FAM81A: variants seen among roughly 807,000 people sequenced by gnomAD.
The protein encoded by FAM81A is protein FAM81A.
In FAM81A, 19 loss-of-function variants were observed where a neutral mutation model predicts 46.7. That is an observed-to-expected ratio of 0.41 (90% CI 0.28 to 0.60). FAM81A has a LOEUF of 0.60. Ranked by LOEUF, FAM81A falls within the 20% of genes least tolerant of loss-of-function variation. The pLI, the probability that FAM81A is intolerant of heterozygous loss-of-function variation, is 0.34. For missense variants in FAM81A, 377 were observed against 453.5 expected (o/e 0.83, Z 1.53); for synonymous variants, 183 against 152.9 (o/e 1.20, Z -1.45).
chr15:59,499,412 A>T (rs574496563), intron 4 of FAM81A, among the ~76,000 whole-genome samples: 1 of 152,322 alleles, frequency 6.6e-6, no homozygotes, highest in East Asian at 1.9e-4. Context: ...ATTATTTTAA[A>T]CAATTGCTTT....
intron 2 of FAM81A, among the ~76,000 whole-genome samples, chr15:59,424,961 A>T (rs1160264213): frequency 6.6e-6 from 1 of 152,192 alleles, no homozygotes; most frequent in Non-Finnish European, 1.5e-5. Flanking sequence ...CTTATATCAA[A>T]TACAACCAAA....
intron 4 of FAM81A, among the ~76,000 whole-genome samples, chr15:59,499,331 A>G (rs1003104215): frequency 2.0e-5 from 3 of 152,156 alleles, no homozygotes; most frequent in Admixed American, 2.0e-4. Context: ...CCTTTGTGCT[A>G]TTATCAAATA....
At chr15:59,498,195 T>A (rs1164834204) in intron 4 of FAM81A, among the ~76,000 whole-genome samples, 2 of 152,268 alleles carry the variant, frequency 1.3e-5, no homozygotes, top group African/African-American at 4.8e-5. Context: ...TCTTTCCATT[T>A]ATTTTGGTCA....
chr15:59,460,503 C>T lies in FAM81A; in HGVS notation c.294+297C>T, dbSNP rs1248512529. Reference sequence around the variant, plus strand: ...TTAATGAAGAGAGAGAAGAACTAGTCGAATAGTTTCACTCTATAATCTTTC... The same window carrying T: ...TTAATGAAGAGAGAGAAGAACTAGTTGAATAGTTTCACTCTATAATCTTTC... On this transcript the variant is annotated intron_variant, in intron 3 of 8. Coordinates refer to ENST00000288228, the MANE Select transcript of FAM81A (RefSeq NM_152450.3). This position sits in a 1 kb window ranked among gnomAD's most constrained non-coding sequence, Gnocchi z 4.4. 11 of 451,298 alleles carry T rather than the reference C, an allele frequency of 2.4e-5. No homozygotes were observed. In the East Asian group the frequency reaches 2.8e-4, roughly 12 times the overall value. 28.0% of individuals were successfully genotyped at this position (451,298 alleles called of 1,614,324 possible).
chr15:59,426,788 TC>T (rs1282068713), intron 2 of FAM81A, among the ~76,000 whole-genome samples: 1 of 152,030 alleles, frequency 6.6e-6, no homozygotes, highest in Non-Finnish European at 1.5e-5. Context: ...CACATACACT[TC>T]CCCCCTAAGC....
chr15:59,450,674 A>G (rs2081408381), intron 1 of FAM81A, among the ~76,000 whole-genome samples: 1 of 152,228 alleles, frequency 6.6e-6, no homozygotes, highest in Non-Finnish European at 1.5e-5. Flanking sequence ...ATTGTCCAGA[A>G]CAGAGCCAAT....
intron 3 of FAM81A, among the ~76,000 whole-genome samples, chr15:59,474,317 A>G (rs533953120): frequency 3.5e-4 from 53 of 152,338 alleles, no homozygotes; most frequent in African/African-American, 1.2e-3. Flanking sequence ...TATAAAGAAC[A>G]GAAATTTATT....
intron 3 of FAM81A, among the ~76,000 whole-genome samples, chr15:59,488,781 AGC>A (rs1341247153): frequency 3.6e-4 from 54 of 151,854 alleles, no homozygotes; most frequent in African/African-American, 1.2e-3. Context: ...ATTTGAGACC[AGC>A]CTGGGTAACA....
intron 6 of FAM81A, among the ~76,000 whole-genome samples, chr15:59,511,798 G>A (rs1306223835): frequency 3.3e-5 from 5 of 151,978 alleles, no homozygotes; most frequent in Non-Finnish European, 5.9e-5. Flanking sequence ...CTACAGGCAC[G>A]TGCCACCATG....
chr15:59,498,550 T>C (rs2082057797), intron 4 of FAM81A, among the ~76,000 whole-genome samples: 1 of 152,208 alleles, frequency 6.6e-6, no homozygotes, highest in Non-Finnish European at 1.5e-5. Flanking sequence ...GAACCTCGAG[T>C]ACGATGTTGA....
chr15:59,522,812 G>A lies in FAM81A; in HGVS notation c.*1434G>A, dbSNP rs1384731445. ...ATGAAGTGTCTAACTGGCTATTACT[G>A]TTTACCCATATAAAATATGCTGCTA... On this transcript the variant is annotated 3_prime_UTR_variant, in exon 9 of 9. Transcript: ENST00000288228. 1 of 152,516 alleles carries A rather than the reference G, an allele frequency of 6.6e-6. No individual in the cohort carries two copies. Among genetic ancestry groups the A allele is most frequent in the Non-Finnish European group, 1.5e-5 (1 of 68,036 alleles). 9.4% of individuals were successfully genotyped at this position (152,516 alleles called of 1,614,324 possible). A position where few individuals can be genotyped will look rare whatever the true frequency, so the allele number is the denominator to read the frequency against.
intron 4 of FAM81A, among the ~76,000 whole-genome samples, chr15:59,505,552 C>T (rs145731372): frequency 7.8e-4 from 118 of 151,702 alleles, no homozygotes; most frequent in African/African-American, 2.7e-3. Context: ...CATTGATCAT[C>T]TTAGCCACCT....
chr15:59,484,878 C>A (rs1317043417), intron 3 of FAM81A, among the ~76,000 whole-genome samples: 1 of 152,116 alleles, frequency 6.6e-6, no homozygotes, highest in Non-Finnish European at 1.5e-5. Context: ...GTACCCTGGG[C>A]TAAAGGCGGG....
intron 2 of FAM81A, among the ~76,000 whole-genome samples, chr15:59,424,258 T>C (rs2081186402): frequency 6.6e-6 from 1 of 152,260 alleles, no homozygotes; most frequent in Non-Finnish European, 1.5e-5. Flanking sequence ...CACACTCTCC[T>C]GGTTTTCTTT....
chr15:59,471,276 G>A (rs1201507311), intron 3 of FAM81A, among the ~76,000 whole-genome samples: 1 of 151,886 alleles, frequency 6.6e-6, no homozygotes, highest in Non-Finnish European at 1.5e-5. Context: ...GTCAGTTTTT[G>A]CTTCCTGTAT....
intron 1 of FAM81A, among the ~76,000 whole-genome samples, chr15:59,443,765 C>T (rs1290331251): frequency 5.9e-5 from 9 of 152,182 alleles, no homozygotes; most frequent in Non-Finnish European, 8.8e-5. Flanking sequence ...TCCCTCCATT[C>T]GTCCTTTCCT....
intron 1 of FAM81A, among the ~76,000 whole-genome samples, chr15:59,450,768 A>T (rs529408560): frequency 7.9e-5 from 12 of 152,376 alleles, no homozygotes; most frequent in Non-Finnish European, 1.5e-4. Context: ...CAAGCAAGAC[A>T]GCCACTTGGA....
chr15:59,505,544 T>C (rs2082140362), intron 4 of FAM81A, among the ~76,000 whole-genome samples: 1 of 151,516 alleles, frequency 6.6e-6, no homozygotes, highest in African/African-American at 2.4e-5. Flanking sequence ...AAAGGCGTCA[T>C]TGATCATCTT....
At chr15:59,447,474 A>G (rs967146309) in intron 1 of FAM81A, among the ~76,000 whole-genome samples, 1 of 152,200 alleles carries the variant, frequency 6.6e-6, no homozygotes, top group Non-Finnish European at 1.5e-5. Flanking sequence ...GTGGTGAGAG[A>G]TGAGCTGCCT....
Sources: allele counts gnomAD v4.1 joint callset (sites outside exome capture counted in the v4.1 genomes callset), GRCh38; gene constraint gnomAD v4.1.1; non-coding constraint Gnocchi (gnomAD v3.1); transcripts MANE v1.5; gene names NCBI Gene and HGNC (gene_info 2026-07-23, HGNC 2026-07-21).